ANHX: variants seen among roughly 807,000 people sequenced by gnomAD.
ANHX encodes the protein anomalous homeobox protein.
In ANHX, 20 loss-of-function variants were observed where a neutral mutation model predicts 38.9. The observed-to-expected ratio is 0.51, with a 90% confidence interval of 0.36 to 0.75. The LOEUF is 0.75. ANHX is among the 30% of genes least tolerant of loss of function. The pLI is 0.00. For synonymous variants in ANHX, 185 were observed against 203.1 expected (o/e 0.91, Z 0.76); for missense variants, 475 against 493.1 (o/e 0.96, Z 0.35).
At chr12:133,235,774 C>T (rs1490020806) in intron 1 of ANHX, 33 bp downstream of exon 1, 1 of 136,114 alleles carries the variant, frequency 7.3e-6, no homozygotes, top group Non-Finnish European at 1.6e-5. Context: ...CGTCCCTCAT[C>T]CTCCCGGACC....
At chr12:133,226,075 G>A (rs747986768) in intron 6 of ANHX, among the ~76,000 whole-genome samples, 3 of 152,218 alleles carry the variant, frequency 2.0e-5, no homozygotes, top group African/African-American at 4.8e-5. Context: ...CGTTCTCCAA[G>A]ACAGACATGA....
intron 7 of ANHX, among the ~76,000 whole-genome samples, chr12:133,225,175 G>C (rs1022561148): frequency 6.6e-6 from 1 of 152,072 alleles, no homozygotes; most frequent in Non-Finnish European, 1.5e-5. Flanking sequence ...GCTAAGGGGG[G>C]TGGACAAGCG....
intron 8 of ANHX, among the ~76,000 whole-genome samples, chr12:133,220,856 A>G (rs1346152278): frequency 3.9e-5 from 6 of 152,224 alleles, no homozygotes; most frequent in Non-Finnish European, 7.3e-5. Flanking sequence ...CTTGAAAACT[A>G]CAATTCAGAA....
intron 1 of ANHX, chr12:133,234,671 G>A (rs1336914432): frequency 5.6e-6 from 2 of 356,692 alleles, no homozygotes; most frequent in Admixed American, 4.5e-5. Flanking sequence ...GCTCAGTAGG[G>A]TAGGGACCTT....
intron 2 of ANHX, among the ~76,000 whole-genome samples, chr12:133,232,547 C>T (rs1365435813): frequency 6.6e-6 from 1 of 152,152 alleles, no homozygotes; most frequent in Non-Finnish European, 1.5e-5. Flanking sequence ...TTCCCCCTGC[C>T]CTGACGTGGG....
rs889386665 is a variant in ANHX at position 133,227,019 on chromosome 12, G to A, written c.635C>T (p.Ala212Val). ...CAGGAGGTCAGGACCCCTCTCCCTC[G>A]CACCAGGGTCTTCAGCTGTGGCCTG... ...AQQATAEDPG[A>V]RERGPDLLQP... Residue 212 changes from alanine (A) to valine (V), a missense_variant, in exon 5 of 10, where the codon GCG becomes GTG. By Grantham distance (64) the Ala-to-Val change is moderately conservative. Transcript: ENST00000545940. 84 of 1,535,668 alleles carry A rather than the reference G, an allele frequency of 5.5e-5. No homozygotes were observed. The highest frequency in any genetic ancestry group is 1.1e-4 in the South Asian group (9 of 84,038).
chr12:133,226,462 G>A (rs1175593627), intron 5 of ANHX, 24 bp from the exon 6 acceptor site: 2 of 1,519,572 alleles, frequency 1.3e-6, no homozygotes, highest in Non-Finnish European at 1.8e-6. Context: ...GATGGGAGGG[G>A]AGACTTAGTG....
In ANHX at chr12:133,218,864, T is replaced by C. The variant is rs2135544746; in HGVS notation, c.*21A>G. 2 of 1,483,352 alleles carry C rather than the reference T, an allele frequency of 1.3e-6. No individual in the cohort carries two copies. Among genetic ancestry groups the C allele is most frequent in the Non-Finnish European group, 1.8e-6 (2 of 1,114,940 alleles). 91.9% of individuals were successfully genotyped at this position (1,483,352 alleles called of 1,614,324 possible). ...TCCACACCCGCTCCTCCTGGGGTGC[T>C]GTCTGGCTCCTGGGGATAGCTCAGC... On this transcript the variant is annotated 3_prime_UTR_variant, in exon 10 of 10. Transcript: ENST00000545940.
intron 8 of ANHX, among the ~76,000 whole-genome samples, chr12:133,220,760 C>T (rs890598815): frequency 1.4e-4 from 21 of 152,192 alleles, no homozygotes; most frequent in Non-Finnish European, 2.8e-4. Flanking sequence ...TGGGCTGGCC[C>T]CGAAGGCCCT....
At chr12:133,232,109 T>C (rs1439449405) in intron 2 of ANHX, among the ~76,000 whole-genome samples, 1 of 152,124 alleles carries the variant, frequency 6.6e-6, no homozygotes, top group Non-Finnish European at 1.5e-5. Flanking sequence ...GGGCCTGATG[T>C]CTGATTCAAG....
In ANHX at chr12:133,221,454, G is replaced by A. The variant is rs1056408583; in HGVS notation, c.1133-102C>T. ...AAGCACGGAGGCGGATGCAGCCTCC[G>A]GCCCAGCCAGCCCGCGCCACGTGAA... On this transcript the variant is annotated intron_variant, in intron 7 of 9. Transcript: ENST00000545940. This position sits in a 1 kb window ranked among gnomAD's most constrained non-coding sequence, Gnocchi z 4.1. 63 of 1,352,034 alleles carry A rather than the reference G, an allele frequency of 4.7e-5. No homozygotes were observed. Among genetic ancestry groups the A allele is most frequent in the African/African-American group, 1.5e-4 (10 of 68,172 alleles). 83.8% of individuals were successfully genotyped at this position (1,352,034 alleles called of 1,614,324 possible).
chr12:133,224,776 T>C (rs537603580), intron 7 of ANHX, among the ~76,000 whole-genome samples: 18 of 150,098 alleles, frequency 1.2e-4, no homozygotes, highest in East Asian at 1.2e-3. Context: ...CCATCCTGGC[T>C]AACAGGGTGA....
At position 133,232,707 on chromosome 12, in the gene ANHX, C is replaced by T. The variant is rs551172714; in HGVS notation, c.250-1063G>A. The stretch of plus-strand genomic sequence containing the variant: ...TTCTAATTCCTCTGCAGGGGGTTTT[C>T]ATCACTGATGCCAGTGGTTGCCTTC... On this transcript the variant is annotated intron_variant, in intron 2 of 9. Coordinates refer to ENST00000545940, the MANE Select transcript of ANHX (RefSeq NM_001372060.1). Among the ~76,000 whole-genome samples the T allele has an allele frequency of 2.6e-5, 4 of 152,328 alleles. No homozygotes were observed. In the East Asian group the frequency reaches 7.7e-4, roughly 29 times the overall value.
chr12:133,235,439 T>TTG (rs1957356512), intron 1 of ANHX: 2 of 153,434 alleles, frequency 1.3e-5, no homozygotes, highest in Non-Finnish European at 2.9e-5. Flanking sequence ...GTGGCTCTGC[T>TTG]TGGCTTCCTG....
intron 8 of ANHX, 88 bp from the exon 9 acceptor site, chr12:133,219,455 A>AG: frequency 1.2e-6 from 1 of 848,672 alleles, no homozygotes; most frequent in Non-Finnish European, 1.8e-6. Context: ...CTCCCTCATC[A>AG]GGAGACATTC....
intron 3 of ANHX, among the ~76,000 whole-genome samples, chr12:133,231,094 G>A (rs1044556913): frequency 3.3e-5 from 5 of 152,186 alleles, no homozygotes; most frequent in African/African-American, 4.8e-5. Flanking sequence ...AGCCCAGATT[G>A]TGGGGATTAG....
At chr12:133,220,210 A>G (rs1463438599) in intron 8 of ANHX, among the ~76,000 whole-genome samples, 1 of 152,104 alleles carries the variant, frequency 6.6e-6, no homozygotes, top group East Asian at 1.9e-4. Context: ...TGTACAGCCA[A>G]TTACACCTCA....
At position 133,218,395 on chromosome 12, in the gene ANHX, C is replaced by T. The variant is rs1488878184; in HGVS notation, c.*490G>A. ...ATTACAACCTGGAGGGAAAATCCAC[C>T]CTACTCTGCCCTGCCTAGGCCATTC... On this transcript the variant is annotated 3_prime_UTR_variant, in exon 10 of 10. Transcript: ENST00000545940. The T allele has an allele frequency of 6.5e-6, 1 of 152,906 alleles. No individual in the cohort carries two copies. Among genetic ancestry groups the T allele is most frequent in the South Asian group, 2.1e-4 (1 of 4,838 alleles). The allele number at this position is 152,906 out of a possible 1,614,324, so 9.5% of individuals were successfully genotyped here.
At chr12:133,218,992 A>G in intron 9 of ANHX, 21 bp from the exon 10 acceptor site, 1 of 1,524,012 alleles carries the variant, frequency 6.6e-7, no homozygotes, top group African/African-American at 1.4e-5. Flanking sequence ...ACACAGTGGT[A>G]AACACAGAGG....
Sources: gnomAD v4.1 joint callset for allele counts (sites outside exome capture counted in the v4.1 genomes callset) on GRCh38, gnomAD v4.1.1 for gene constraint, Gnocchi (gnomAD v3.1) non-coding constraint, MANE v1.5 for transcripts, NCBI Gene and HGNC (gene_info 2026-07-23, HGNC 2026-07-21) for gene names.